Variants in SOX5 observed in about 807,000 individuals in gnomAD.
The protein encoded by SOX5 is transcription factor SOX-5.
A neutral mutation model predicts 92.0 loss-of-function variants in SOX5; 9 were observed. The observed-to-expected ratio is 0.10, with a 90% CI of 0.06 to 0.17. SOX5 has a LOEUF of 0.17. Among genes scored for constraint, SOX5 ranks in the 10% least tolerant of loss-of-function variants. The pLI, the probability that SOX5 is intolerant of heterozygous loss-of-function variation, is 1.00. For missense variants in SOX5, 642 were observed against 944.5 expected (o/e 0.68, Z 4.20); for synonymous variants, 344 against 336.3 (o/e 1.02, Z -0.25).
intron 3 of SOX5, among the ~76,000 whole-genome samples, chr12:23,808,083 C>G (rs550064306): frequency 6.6e-6 from 1 of 151,160 alleles, no homozygotes; most frequent in South Asian, 2.1e-4. Context: ...TATGTTTGAG[C>G]AAGGCATCCT....
chr12:23,790,561 C>CACACAG (rs2095457596), intron 3 of SOX5, among the ~76,000 whole-genome samples: 3 of 151,400 alleles, frequency 2.0e-5, no homozygotes, highest in African/African-American at 7.3e-5. Context: ...CACACACACA[C>CACACAG]ACACACACAC....
chr12:23,738,297 G>T (rs1187659364), intron 5 of SOX5: 1 of 152,230 alleles, frequency 6.6e-6, no homozygotes, highest in African/African-American at 2.4e-5. Context: ...GACTACAGGA[G>T]AAGACGAACC....
At chr12:24,251,983 G>A (rs1940165903) in intron 3 of SOX5, among the ~76,000 whole-genome samples, 1 of 150,682 alleles carries the variant, frequency 6.6e-6, no homozygotes, top group African/African-American at 2.4e-5. Context: ...AAAAACAGAA[G>A]TGCAGATTTT....
intron 7 of SOX5, among the ~76,000 whole-genome samples, chr12:23,650,640 A>T (rs1171001240): frequency 6.6e-6 from 1 of 152,100 alleles, no homozygotes; most frequent in Admixed American, 6.6e-5. Flanking sequence ...CCTGCCATTT[A>T]TAGGGCTAAT....
chr12:23,971,306 T>C (rs1203496594), intron 4 of SOX5, among the ~76,000 whole-genome samples: 5 of 151,402 alleles, frequency 3.3e-5, no homozygotes, highest in Non-Finnish European at 2.9e-5. Context: ...GTATTTTTAG[T>C]AGAGACGGGA....
At chr12:23,915,232 A>G (rs542582329) in intron 1 of SOX5, among the ~76,000 whole-genome samples, 1 of 152,296 alleles carries the variant, frequency 6.6e-6, no homozygotes, top group South Asian at 2.1e-4. Flanking sequence ...AATAAATGCT[A>G]TCTATTATTA....
At chr12:24,217,068 C>T (rs944929710) in intron 3 of SOX5, among the ~76,000 whole-genome samples, 16 of 152,212 alleles carry the variant, frequency 1.1e-4, no homozygotes, top group Non-Finnish European at 5.9e-5. Context: ...ATCCTGTGTA[C>T]CCCTTTATCC....
chr12:24,147,968 T>C (rs10082842), intron 4 of SOX5, among the ~76,000 whole-genome samples: 87,168 of 152,008 alleles, frequency 0.57, 25,845 homozygotes, highest in African/African-American at 0.64. Context: ...ATGTCAGTTC[T>C]CTCCAAATCA....
At chr12:23,976,406 C>CAAAAAAAAAAAAAAAA (rs869250917) in intron 4 of SOX5, among the ~76,000 whole-genome samples, 5 of 37,872 alleles carry the variant, frequency 1.3e-4, no homozygotes, top group Non-Finnish European at 2.4e-4. Context: ...AACAAAAAAA[C>CAAAAAAAAAAAAAAAA]AAAAAAAAAA....
chr12:23,662,802 TATC>T (rs2083243898), intron 7 of SOX5, among the ~76,000 whole-genome samples: 1 of 152,224 alleles, frequency 6.6e-6, no homozygotes. Context: ...CAGAAACGTT[TATC>T]ATCAGTATGT....
At position 24,307,498 on chromosome 12, in the gene SOX5, G is replaced by T. The variant is rs1172635221; in HGVS notation, c.-173-30186C>A. ...GGAAGGAAGGAAGGAAGGAAGGAAG[G>T]AAGGAAGGAAGGAAGGAAGGCCGGC... On this transcript the variant is annotated intron_variant, in intron 2 of 4. Coordinates refer to the SOX5 transcript ENST00000446891. Among the ~76,000 whole-genome samples, 21 of 36,474 alleles carry T rather than the reference G, an allele frequency of 5.8e-4. 1 individual carries two copies. The highest frequency in any genetic ancestry group is 1.0e-3 in the African/African-American group (21 of 21,036). 23.9% of individuals were successfully genotyped at this position (36,474 alleles called of 152,430 possible).
intron 4 of SOX5, among the ~76,000 whole-genome samples, chr12:24,087,435 G>T (rs1944137042): frequency 6.6e-6 from 1 of 152,048 alleles, no homozygotes; most frequent in African/African-American, 2.4e-5. Context: ...TACCTTGAGT[G>T]TTTATTAAAG....
chr12:24,544,523 C>T (rs1208959449), intron 1 of SOX5, among the ~76,000 whole-genome samples: 1 of 152,126 alleles, frequency 6.6e-6, no homozygotes, highest in Non-Finnish European at 1.5e-5. Context: ...GTCAGTGTGG[C>T]CCCAACCTTT....
intron 10 of SOX5, among the ~76,000 whole-genome samples, chr12:23,570,925 AAAAAAATATATATATATATATATAT>A (rs1419461766): frequency 0.021 from 758 of 35,720 alleles, 65 homozygotes; most frequent in African/African-American, 0.074. Context: ...AAAAAAAAAA[AAAAAAATATATATATATATATATAT>A]ATATATATAT....
chr12:24,011,095 T>G (rs1475665153), intron 4 of SOX5, among the ~76,000 whole-genome samples: 1 of 152,100 alleles, frequency 6.6e-6, no homozygotes, highest in Non-Finnish European at 1.5e-5. Context: ...AAAGGGGAAA[T>G]CATGACAATG....
At chr12:23,823,465 G>A (rs985796213) in intron 3 of SOX5, among the ~76,000 whole-genome samples, 1 of 152,088 alleles carries the variant, frequency 6.6e-6, no homozygotes, top group African/African-American at 2.4e-5. Context: ...TGGCTTGTAG[G>A]GTTTCTGCAG....
intron 10 of SOX5, among the ~76,000 whole-genome samples, chr12:23,566,908 C>G (rs1947209400): frequency 6.6e-6 from 1 of 152,168 alleles, no homozygotes; most frequent in Non-Finnish European, 1.5e-5. Flanking sequence ...AATGCTCAAT[C>G]TAAGTTTTCA....
intron 6 of SOX5, among the ~76,000 whole-genome samples, chr12:23,716,679 C>T (rs569539205): frequency 6.6e-6 from 1 of 152,302 alleles, no homozygotes; most frequent in East Asian, 1.9e-4. Context: ...TTCTGGTTCT[C>T]TTATAAGGCC....
intron 3 of SOX5, among the ~76,000 whole-genome samples, chr12:23,833,756 G>T (rs193206666): frequency 1.3e-5 from 2 of 151,890 alleles, no homozygotes; most frequent in African/African-American, 4.8e-5. Flanking sequence ...TAAGGATAGG[G>T]GTATACATGT....
Sources: allele counts gnomAD v4.1 joint callset (sites outside exome capture counted in the v4.1 genomes callset), GRCh38; gene constraint gnomAD v4.1.1; transcripts MANE v1.5; gene names NCBI Gene and HGNC (gene_info 2026-07-23, HGNC 2026-07-21).